The following GRM7 variants were observed in gnomAD, a reference collection of about 807,000 sequenced individuals.
GRM7 encodes metabotropic glutamate receptor 7.
A neutral mutation model predicts 84.5 loss-of-function variants in GRM7; 35 were observed. The observed-to-expected ratio is 0.41, with a 90% CI of 0.32 to 0.55. The LOEUF is 0.55. Among genes scored for constraint, GRM7 ranks in the 20% least tolerant of loss-of-function variants. The pLI is 0.19. For missense variants in GRM7, 1,003 were observed against 1,194.6 expected, an observed-to-expected ratio of 0.84 and a Z score of 2.36; for synonymous variants, 487 against 455.1, an observed-to-expected ratio of 1.07 and a Z score of -0.89.
At chr3:7,293,874 A>G (rs1699723810) in intron 2 of GRM7, among the ~76,000 whole-genome samples, 2 of 152,182 alleles carry the variant, frequency 1.3e-5, no homozygotes, top group South Asian at 4.1e-4. Flanking sequence ...ACATTCTTTT[A>G]TGGATCTGAG....
At chr3:7,647,606 A>T (rs1405648246) in intron 8 of GRM7, among the ~76,000 whole-genome samples, 1 of 152,216 alleles carries the variant, frequency 6.6e-6, no homozygotes, top group Non-Finnish European at 1.5e-5. Flanking sequence ...AAAGAAAGAA[A>T]AAAATCACTC....
At chr3:7,402,542 C>T (rs1205785346) in intron 4 of GRM7, among the ~76,000 whole-genome samples, 3 of 152,064 alleles carry the variant, frequency 2.0e-5, no homozygotes, top group East Asian at 1.9e-4. Context: ...CATATGATGT[C>T]TTAATATGCC....
At chr3:7,134,411 G>A (rs1693704613) in intron 1 of GRM7, among the ~76,000 whole-genome samples, 1 of 147,346 alleles carries the variant, frequency 6.8e-6, no homozygotes, top group Non-Finnish European at 1.5e-5. Context: ...ACTGTCGCCT[G>A]GCAAAATCAT....
At chr3:6,895,397 C>T (rs959265274) in intron 1 of GRM7, among the ~76,000 whole-genome samples, 3 of 152,272 alleles carry the variant, frequency 2.0e-5, no homozygotes, top group Non-Finnish European at 4.4e-5. Flanking sequence ...ATCTTAGCAA[C>T]CACACTTGTA....
chr3:7,268,265 G>A (rs1698721693), intron 2 of GRM7, among the ~76,000 whole-genome samples: 1 of 150,950 alleles, frequency 6.6e-6, no homozygotes. Flanking sequence ...ACTTCGGTGG[G>A]CCAAGGAGAG....
At chr3:7,249,394 G>A (rs1275680243) in intron 2 of GRM7, among the ~76,000 whole-genome samples, 1 of 151,904 alleles carries the variant, frequency 6.6e-6, no homozygotes, top group Non-Finnish European at 1.5e-5. Context: ...ATCATTTCTT[G>A]TTGAAGGTAA....
At chr3:7,720,806 G>C (rs1163893995) in intron 9 of GRM7, among the ~76,000 whole-genome samples, 1 of 152,222 alleles carries the variant, frequency 6.6e-6, no homozygotes, top group African/African-American at 2.4e-5. Context: ...AATGTTTGTT[G>C]AATGAGAATT....
chr3:7,398,047 A>G (rs1695288436), intron 4 of GRM7, among the ~76,000 whole-genome samples: 1 of 152,224 alleles, frequency 6.6e-6, no homozygotes, highest in Non-Finnish European at 1.5e-5. Context: ...GACGAAAAGA[A>G]AGAAGATTCA....
At chr3:7,408,686 A>T (rs778160162) in intron 4 of GRM7, among the ~76,000 whole-genome samples, 5 of 152,316 alleles carry the variant, frequency 3.3e-5, no homozygotes, top group Admixed American at 6.5e-5. Flanking sequence ...GACACCTGTA[A>T]CACTGCGCAA....
At chr3:7,280,639 G>T (rs986746147) in intron 2 of GRM7, among the ~76,000 whole-genome samples, 1 of 152,282 alleles carries the variant, frequency 6.6e-6, no homozygotes, top group South Asian at 2.1e-4. Context: ...GCCCAGTAGC[G>T]CTGGCATATA....
chr3:7,027,361 T>G (rs1193862039), intron 1 of GRM7, among the ~76,000 whole-genome samples: 1 of 152,200 alleles, frequency 6.6e-6, no homozygotes, highest in Non-Finnish European at 1.5e-5. Context: ...AAAATTGTGC[T>G]TATAATTAAT....
At chr3:7,174,475 T>C (rs35954805) in intron 2 of GRM7, among the ~76,000 whole-genome samples, 1 of 152,230 alleles carries the variant, frequency 6.6e-6, no homozygotes, top group Non-Finnish European at 1.5e-5. Flanking sequence ...TTTGTCCTTG[T>C]ACATTTTATT....
chr3:7,267,851 T>C (rs915750966), intron 2 of GRM7, among the ~76,000 whole-genome samples: 1 of 152,188 alleles, frequency 6.6e-6, no homozygotes, highest in Admixed American at 6.5e-5. Context: ...GGAACTCAGA[T>C]GTGACAAATC....
chr3:7,110,892 T>G (rs950355036), intron 1 of GRM7, among the ~76,000 whole-genome samples: 1 of 152,006 alleles, frequency 6.6e-6, no homozygotes, highest in Non-Finnish European at 1.5e-5. Context: ...ACAGCATGTA[T>G]GCAGGGAGTC....
intron 9 of GRM7, among the ~76,000 whole-genome samples, chr3:7,720,506 G>A (rs1049278877): frequency 6.6e-6 from 1 of 152,114 alleles, no homozygotes; most frequent in African/African-American, 2.4e-5. Flanking sequence ...TACCTGCCAG[G>A]CTTTGCTGCC....
intron 1 of GRM7, among the ~76,000 whole-genome samples, chr3:7,020,987 G>A (rs1271020463): frequency 6.6e-6 from 1 of 152,098 alleles, no homozygotes; most frequent in African/African-American, 2.4e-5. Flanking sequence ...GAAGGAAGTA[G>A]GCCAAATCAT....
intron 4 of GRM7, among the ~76,000 whole-genome samples, chr3:7,320,550 T>C (rs750001021): frequency 1.7e-4 from 26 of 151,780 alleles, no homozygotes; most frequent in Non-Finnish European, 3.1e-4. Context: ...TGAGTGAGAG[T>C]TGTATAACAT....
chr3:7,370,684 A>C (rs770848549), intron 4 of GRM7, among the ~76,000 whole-genome samples: 5 of 152,154 alleles, frequency 3.3e-5, no homozygotes, highest in Non-Finnish European at 5.9e-5. Context: ...AATGTCTAAA[A>C]AATATGACTA....
intron 8 of GRM7, among the ~76,000 whole-genome samples, chr3:7,597,417 A>G (rs1316943653): frequency 6.6e-6 from 1 of 152,100 alleles, no homozygotes; most frequent in African/African-American, 2.4e-5. Context: ...TATCCAAACT[A>G]TAGCACCTTT....
Sources: gnomAD v4.1 joint callset for allele counts (sites outside exome capture counted in the v4.1 genomes callset) on GRCh38, gnomAD v4.1.1 for gene constraint, MANE v1.5 for transcripts, NCBI Gene and HGNC (gene_info 2026-07-23, HGNC 2026-07-21) for gene names.